The following FASTKD1 variants were observed in gnomAD, a reference collection of about 807,000 sequenced individuals.
FASTKD1 encodes the protein FAST kinase domain-containing protein 1, mitochondrial.
FASTKD1 carries 94 observed loss-of-function variants against 90.9 expected under a neutral mutation model. The observed-to-expected ratio is 1.03, with a 90% CI of 0.88 to 1.23. The LOEUF is 1.23. Among genes scored for constraint, FASTKD1 ranks in the 50% most tolerant of loss-of-function variants. The pLI, the probability that FASTKD1 is intolerant of heterozygous loss-of-function variation, is 0.00. For missense variants in FASTKD1, 945 were observed against 993.5 expected, an observed-to-expected ratio of 0.95 and a Z score of 0.66; for synonymous variants, 319 against 345.8, an observed-to-expected ratio of 0.92 and a Z score of 0.86.
intron 12 of FASTKD1, among the ~76,000 whole-genome samples, chr2:169,532,595 A>G (rs1052615814): frequency 1.3e-5 from 2 of 152,172 alleles, no homozygotes; most frequent in Non-Finnish European, 2.9e-5. Context: ...GTTTACAGTA[A>G]AAACATTAAA....
Position 169,572,008 on chromosome 2 carries a change from G to A in FASTKD1, c.22C>T (p.Leu8=). 3 of 1,574,166 alleles carry A rather than the reference G, an allele frequency of 1.9e-6. No homozygotes were observed. The highest frequency in any genetic ancestry group is 2.6e-6 in the Non-Finnish European group (3 of 1,161,230). The part of the protein sequence containing the change: MKKTPVF[L]ESLVTNMLRL... The stretch of plus-strand genomic sequence containing the variant: ...AGCATATTTGTAACCAATGACTCTA[G>A]GAAAACAGGTGTTTTTTTCATTTAT... Residue 8 remains leucine, a synonymous_variant, in exon 2 of 15, where the codon CTA becomes TTA. Coordinates refer to ENST00000453153, the MANE Select transcript of FASTKD1 (RefSeq NM_024622.6).
Position 169,546,762 on chromosome 2 carries a change from T to C in FASTKD1, c.1215-58A>G. On this transcript the variant is annotated intron_variant, in intron 7 of 14. Coordinates refer to ENST00000453153, the MANE Select transcript of FASTKD1 (RefSeq NM_024622.6). The stretch of plus-strand genomic sequence containing the variant: ...CAACAAACCCAAAATATATATGTAT[T>C]AAAATATGAATACATATGAGTACAA... 4 of 1,484,384 alleles carry C rather than the reference T, an allele frequency of 2.7e-6. No individual in the cohort carries two copies. In the South Asian group the frequency reaches 4.0e-5, roughly 15 times the overall value. 92.0% of individuals were successfully genotyped at this position (1,484,384 alleles called of 1,614,324 possible).
chr2:169,541,939 T>G (rs908455072), intron 9 of FASTKD1, among the ~76,000 whole-genome samples: 2 of 152,288 alleles, frequency 1.3e-5, no homozygotes, highest in African/African-American at 4.8e-5. Flanking sequence ...CCCTTTCCAG[T>G]TCCCTTTCTT....
intron 12 of FASTKD1, among the ~76,000 whole-genome samples, chr2:169,536,407 AAT>A (rs150081030): frequency 1.7e-4 from 25 of 150,210 alleles, no homozygotes; most frequent in Admixed American, 2.7e-4. Context: ...ACATGCAAAA[AAT>A]ATATATATAT....
intron 4 of FASTKD1, among the ~76,000 whole-genome samples, chr2:169,561,796 ATTAT>A (rs1427685775): frequency 1.2e-3 from 161 of 139,336 alleles, no homozygotes; most frequent in Non-Finnish European, 1.4e-3. Flanking sequence ...TTTATTGTAA[ATTAT>A]TTATTAATTT....
At position 169,560,803 on chromosome 2, in the gene FASTKD1, T is replaced by A; in HGVS notation, c.573-18A>T. 1 of 1,411,390 alleles carries A rather than the reference T, an allele frequency of 7.1e-7. No individual in the cohort carries two copies. The highest frequency in any genetic ancestry group is 2.5e-5 in the East Asian group (1 of 39,650). The allele number at this position is 1,411,390 out of a possible 1,614,324, so 87.4% of individuals were successfully genotyped here. On this transcript the variant is annotated intron_variant, in intron 4 of 14. Coordinates refer to ENST00000453153, the MANE Select transcript of FASTKD1 (RefSeq NM_024622.6). ...ACAAGGAACTGAAAAAGAAAAAAGA[T>A]GCAAAGATTTTTACATCAATTAAGA... is the stretch of plus-strand genomic sequence containing the variant.
chr2:169,546,060 C>A (rs763210700), intron 8 of FASTKD1, among the ~76,000 whole-genome samples, 158 bp downstream of exon 8: 5 of 152,112 alleles, frequency 3.3e-5, no homozygotes, highest in African/African-American at 9.7e-5. Flanking sequence ...GCCTCCCAAC[C>A]GCTGGAATTA....
rs1355416976 is a variant in FASTKD1 at position 169,529,641 on chromosome 2, C to T, written c.*184G>A. ...GACTCTGTTATCTCTTATCTTTTCT[C>T]TTATACACTCCCACCCCACTCCCCA... On this transcript the variant is annotated 3_prime_UTR_variant, in exon 15 of 15. Coordinates refer to ENST00000453153, the MANE Select transcript of FASTKD1 (RefSeq NM_024622.6). 1.8e-6 allele frequency: 1 copy of T among 540,946 alleles called. No individual in the cohort carries two copies. Among genetic ancestry groups the T allele is most frequent in the African/African-American group, 1.9e-5 (1 of 52,116 alleles). The allele number at this position is 540,946 out of a possible 1,614,324, so 33.5% of individuals were successfully genotyped here. A position where few individuals can be genotyped will look rare whatever the true frequency, so the allele number is the denominator to read the frequency against.
intron 7 of FASTKD1, among the ~76,000 whole-genome samples, chr2:169,550,159 C>G (rs1685424188): frequency 6.6e-6 from 1 of 151,692 alleles, no homozygotes; most frequent in South Asian, 2.1e-4. Flanking sequence ...AGGTGCACAC[C>G]ACCATGCCTT....
intron 2 of FASTKD1, among the ~76,000 whole-genome samples, chr2:169,570,723 T>C (rs1390182944): frequency 6.9e-6 from 1 of 145,634 alleles, no homozygotes; most frequent in Non-Finnish European, 1.5e-5. Context: ...TCGCCCAGAA[T>C]GGAGTAGAGT....
intron 3 of FASTKD1, among the ~76,000 whole-genome samples, chr2:169,565,819 G>T (rs568451752): frequency 6.6e-6 from 1 of 152,246 alleles, no homozygotes; most frequent in African/African-American, 2.4e-5. Flanking sequence ...AGTGTGCAGG[G>T]TTCCCTTTTC....
intron 3 of FASTKD1, among the ~76,000 whole-genome samples, chr2:169,564,841 G>A (rs994084824): frequency 6.6e-6 from 1 of 151,408 alleles, no homozygotes; most frequent in African/African-American, 2.4e-5. Flanking sequence ...TCTGTGCCTG[G>A]CTTATTTCAC....
In FASTKD1 at chr2:169,546,595, C is replaced by T. The variant is rs1438203607; in HGVS notation, c.1324G>A (p.Val442Ile). ...DEVGISRIEAVLPQCDLNNLS... is the reference protein window; with the variant it reads ...DEVGISRIEAILPQCDLNNLS... ...TTATTTAGGTCACACTGTGGTAAAA[C>T]GGCTTCAATTCGGGATATCCCCACT... The change falls in exon 8 of 15, where the codon GTT becomes ATT. Residue 442 changes from valine to isoleucine, a missense_variant. Val to Ile is a conservative substitution (Grantham distance 29). Transcript: ENST00000453153. 11 of 1,613,968 alleles carry T rather than the reference C, an allele frequency of 6.8e-6. No individual in the cohort carries two copies. The highest frequency in any genetic ancestry group is 2.2e-5 in the East Asian group (1 of 44,884).
At position 169,560,716 on chromosome 2, in the gene FASTKD1, G is replaced by T. The variant is rs546871306; in HGVS notation, c.642C>A (p.Asn214Lys). The part of the protein sequence containing the change: ...ISRHFQQQLV[N>K]KTELLFDTID... The stretch of plus-strand genomic sequence containing the variant: ...TGGTGTCAAAAAGAAGTTCTGTTTT[G>T]TTCACCAGTTGTTGTTGAAAATGTC... The change falls in exon 5 of 15, where the codon AAC becomes AAA. Residue 214 changes from asparagine (N) to lysine (K), a missense_variant. By Grantham distance (94) the Asn-to-Lys change is moderately conservative. Coordinates refer to ENST00000453153, the MANE Select transcript of FASTKD1 (RefSeq NM_024622.6). The T allele has an allele frequency of 5.0e-6, 8 of 1,605,748 alleles. No homozygotes were observed. The East Asian group carries it at 1.8e-4, about 36-fold the overall frequency.
At chr2:169,545,368 G>A (rs1032491352) in intron 8 of FASTKD1, among the ~76,000 whole-genome samples, 3 of 152,084 alleles carry the variant, frequency 2.0e-5, no homozygotes, top group African/African-American at 7.2e-5. Flanking sequence ...ATAATCACTA[G>A]CATTTATTTT....
At chr2:169,567,047 G>A (rs1274341210) in intron 3 of FASTKD1, among the ~76,000 whole-genome samples, 5 of 151,842 alleles carry the variant, frequency 3.3e-5, no homozygotes, top group South Asian at 2.1e-4. Flanking sequence ...CCCAGGAGGC[G>A]GAGCTTGCAG....
At position 169,571,709 on chromosome 2, in the gene FASTKD1, A is replaced by C; in HGVS notation, c.321T>G (p.Asn107Lys). Residue 107 changes from asparagine to lysine, a missense_variant, in exon 2 of 15, where the codon AAT becomes AAG. Transcript: ENST00000453153. ...QFLTLHNLATNKFKLMNDDTL... is the reference protein window; with the variant it reads ...QFLTLHNLATKKFKLMNDDTL... ...TATCGTCATTCATTAATTTGAATTT[A>C]TTTGTAGCTAAATTATGAAGAGTAA... is the stretch of plus-strand genomic sequence containing the variant. 1 of 1,612,770 alleles carries C rather than the reference A, an allele frequency of 6.2e-7. No homozygotes were observed.
At chr2:169,568,270 CTT>C (rs1350126580) in intron 3 of FASTKD1, among the ~76,000 whole-genome samples, 1 of 152,094 alleles carries the variant, frequency 6.6e-6, no homozygotes, top group Non-Finnish European at 1.5e-5. Flanking sequence ...ACTAGGGTCT[CTT>C]TTTTTCTCCT....
chr2:169,537,376 T>A, intron 11 of FASTKD1, 36 bp from the exon 12 acceptor site: 4 of 1,328,564 alleles, frequency 3.0e-6, no homozygotes, highest in Non-Finnish European at 4.2e-6. Flanking sequence ...CTACTTAATC[T>A]TTTTTTTCTT....
Sources: gnomAD v4.1 joint callset for allele counts (sites outside exome capture counted in the v4.1 genomes callset) on GRCh38, gnomAD v4.1.1 for gene constraint, MANE v1.5 for transcripts, NCBI Gene and HGNC (gene_info 2026-07-23, HGNC 2026-07-21) for gene names.